The following PSMA1 variants were observed in gnomAD, a reference collection of about 807,000 sequenced individuals.
PSMA1 encodes proteasome subunit alpha type-1.
Under a neutral mutation model 38.4 loss-of-function variants are expected in PSMA1, and 3 were observed. The observed-to-expected ratio is 0.08, with a 90% CI of 0.04 to 0.20. The LOEUF (loss-of-function observed/expected upper bound fraction) is 0.20, where lower values mean the gene tolerates loss of function less well. Among genes scored for constraint, PSMA1 ranks in the 10% least tolerant of loss-of-function variants. The probability of loss-of-function intolerance (pLI) is 1.00; values close to 1 mark genes in which losing one functional copy is unlikely to be tolerated. For missense variants in PSMA1, 227 were observed against 325.3 expected (o/e 0.70, Z 2.32); for synonymous variants, 101 against 107.1 (o/e 0.94, Z 0.35).
rs956259909 is a variant in PSMA1 at position 14,617,062 on chromosome 11, A to C, written c.-165-5911T>G. Among the ~76,000 whole-genome samples, 9 of 152,334 alleles carry C rather than the reference A, an allele frequency of 5.9e-5. No individual in the cohort carries two copies. The South Asian group carries it at 1.9e-3, about 32-fold the overall frequency. ...AAAACACAGGGCATGGAAGAACAGA[A>C]GTTATCTTCTTTTCAGGCTGCCTGC... On this transcript the variant is annotated intron_variant, in intron 1 of 10. Transcript: ENST00000418988.
intron 1 of PSMA1, 60 bp from the exon 2 acceptor site, chr11:14,519,101 A>C: frequency 7.6e-7 from 1 of 1,320,272 alleles, no homozygotes; most frequent in Non-Finnish European, 1.1e-6. Context: ...CCAACTCTTA[A>C]CATTCATTAA....
At chr11:14,560,721 T>G (rs767441474) in intron 2 of PSMA1, among the ~76,000 whole-genome samples, 4 of 152,168 alleles carry the variant, frequency 2.6e-5, no homozygotes, top group Non-Finnish European at 5.9e-5. Flanking sequence ...GCCCATATAA[T>G]GATGGTAGAT....
chr11:14,641,240 AGTGCT>A (rs751511851), intron 1 of PSMA1, among the ~76,000 whole-genome samples: 13 of 152,102 alleles, frequency 8.5e-5, no homozygotes, highest in Non-Finnish European at 1.9e-4. Context: ...GATGGGGTAA[AGTGCT>A]GGGAAAAGTC....
chr11:14,630,169 C>T lies in PSMA1; in HGVS notation c.-166+13286G>A, dbSNP rs1043706592. ...AATACCCTTTATTTCCTTCTCCTGC[C>T]TAATTGCCCTGGCCAGAACTTCCAA... On this transcript the variant is annotated intron_variant, in intron 1 of 10. Coordinates refer to the PSMA1 transcript ENST00000418988. 2.0e-5 allele frequency among the ~76,000 whole-genome samples: 3 copies of T among 152,182 alleles called. No homozygotes were observed. The East Asian group carries it at 5.8e-4, about 29-fold the overall frequency.
At chr11:14,551,524 G>A (rs1051927695) in intron 2 of PSMA1, among the ~76,000 whole-genome samples, 17 of 152,204 alleles carry the variant, frequency 1.1e-4, no homozygotes, top group Non-Finnish European at 2.4e-4. Context: ...AGGGGGAAGA[G>A]AGTCCCAGCC....
chr11:14,507,757 T>G lies in PSMA1; in HGVS notation c.634A>C (p.Ile212Leu). The G allele has an allele frequency of 6.3e-7, 1 of 1,599,072 alleles. No homozygotes were observed. Among genetic ancestry groups the G allele is most frequent in the Non-Finnish European group, 8.6e-7 (1 of 1,167,398 alleles). Residue 212 changes from isoleucine (I) to leucine (L), a missense_variant, in exon 9 of 10, where the codon ATT (isoleucine) becomes CTT (leucine). Ile to Leu is a conservative substitution (Grantham distance 5, BLOSUM62 2). Coordinates refer to ENST00000396394, the MANE Select transcript of PSMA1 (RefSeq NM_002786.4). ...EQDLTTKNVSIGIVGKDLEFT... is the reference protein window; with the variant it reads ...EQDLTTKNVSLGIVGKDLEFT... ...TCCAAGTCTTTACCAACAATTCCAA[T>G]GGAAACATTCTGAAGGGTAAAATAT...
At chr11:14,508,840 TTTA>T (rs1851293993) in intron 8 of PSMA1, among the ~76,000 whole-genome samples, 1 of 152,134 alleles carries the variant, frequency 6.6e-6, no homozygotes, top group Admixed American at 6.5e-5. Context: ...TCCTTGAAAG[TTTA>T]TTCGTTTGCC....
chr11:14,638,571 ATATATATATATATATTTTTTTTTTTTT>A (rs1565065527), intron 1 of PSMA1, among the ~76,000 whole-genome samples: 1 of 12,496 alleles, frequency 8.0e-5, no homozygotes, highest in Non-Finnish European at 1.4e-4. Context: ...ATATATATAT[ATATATATATATATATTTTTTTTTTTTT>A]TTTTTTTTTT....
intron 2 of PSMA1, among the ~76,000 whole-genome samples, chr11:14,591,392 C>T (rs1470602071): frequency 3.3e-5 from 5 of 152,202 alleles, no homozygotes; most frequent in African/African-American, 7.2e-5. Context: ...CGATGAGTGC[C>T]GCCCCCTGCT....
chr11:14,506,494 T>C (rs1193120554), intron 9 of PSMA1, among the ~76,000 whole-genome samples: 1 of 152,116 alleles, frequency 6.6e-6, no homozygotes, highest in Non-Finnish European at 1.5e-5. Context: ...GAAATTTCCA[T>C]ACTAGATTCT....
chr11:14,542,670 G>A (rs1565040756), intron 2 of PSMA1, among the ~76,000 whole-genome samples: 1 of 152,142 alleles, frequency 6.6e-6, no homozygotes, highest in Non-Finnish European at 1.5e-5. Context: ...CACAATAAAT[G>A]GCACCACAGG....
At chr11:14,575,076 C>A (rs373254289) in intron 2 of PSMA1, among the ~76,000 whole-genome samples, 21 of 152,176 alleles carry the variant, frequency 1.4e-4, no homozygotes, top group African/African-American at 4.8e-4. Flanking sequence ...TCCCAGGCTG[C>A]GGTGATCTCA....
At chr11:14,550,716 G>A (rs1459602633) in intron 2 of PSMA1, among the ~76,000 whole-genome samples, 4 of 151,612 alleles carry the variant, frequency 2.6e-5, no homozygotes, top group Non-Finnish European at 4.4e-5. Flanking sequence ...TTTTGCTGAC[G>A]TGAGTGATGA....
At position 14,508,665 on chromosome 11, in the gene PSMA1, G is replaced by A. The variant is rs570969068; in HGVS notation, c.625-899C>T. ...GGTAATTCATGTGAGAGATGATAGCGATTGGAGCAGAGTGACAGAGTGACC... is the reference window on the plus strand; with the variant it reads ...GGTAATTCATGTGAGAGATGATAGCAATTGGAGCAGAGTGACAGAGTGACC... On this transcript the variant is annotated intron_variant, in intron 8 of 9. Coordinates refer to ENST00000396394, the MANE Select transcript of PSMA1 (RefSeq NM_002786.4). Among the ~76,000 whole-genome samples the A allele has an allele frequency of 2.3e-4, 35 of 151,134 alleles. No homozygotes were observed. In the South Asian group the frequency reaches 3.4e-3, roughly 15 times the overall value.
At chr11:14,624,191 C>A (rs769224513) in intron 1 of PSMA1, among the ~76,000 whole-genome samples, 1 of 152,164 alleles carries the variant, frequency 6.6e-6, no homozygotes, top group Non-Finnish European at 1.5e-5. Flanking sequence ...ACAGCTGAAA[C>A]GTCAGCTCAG....
chr11:14,540,199 C>G (rs1851757968), intron 2 of PSMA1, among the ~76,000 whole-genome samples: 1 of 152,144 alleles, frequency 6.6e-6, no homozygotes, highest in Non-Finnish European at 1.5e-5. Context: ...TTTGCCTGGC[C>G]CACAAATGCA....
At chr11:14,518,045 T>G in intron 2 of PSMA1, 64 bp from the exon 3 acceptor site, 1 of 1,217,002 alleles carries the variant, frequency 8.2e-7, no homozygotes, top group East Asian at 2.5e-5. Flanking sequence ...AAAATTAGGG[T>G]TTTCAAATAT....
At chr11:14,634,859 C>G (rs1853091868) in intron 1 of PSMA1, among the ~76,000 whole-genome samples, 1 of 152,168 alleles carries the variant, frequency 6.6e-6, no homozygotes, top group African/African-American at 2.4e-5. Context: ...ACTTACTGCA[C>G]TGTGTACCTC....
At chr11:14,546,166 G>A (rs928937771) in intron 2 of PSMA1, among the ~76,000 whole-genome samples, 3 of 138,532 alleles carry the variant, frequency 2.2e-5, no homozygotes, top group Non-Finnish European at 4.7e-5. Flanking sequence ...TTTTTTTTTA[G>A]TAAAGGGGAT....
Sources: gnomAD v4.1 joint callset for allele counts (sites outside exome capture counted in the v4.1 genomes callset) on GRCh38, gnomAD v4.1.1 for gene constraint, MANE v1.5 for transcripts, NCBI Gene and HGNC (gene_info 2026-07-23, HGNC 2026-07-21) for gene names.